The following CNTLN variants were observed in gnomAD, a reference collection of about 807,000 sequenced individuals.
CNTLN encodes centlein.
CNTLN carries 212 observed loss-of-function variants against 180.0 expected under a neutral mutation model. The observed-to-expected ratio is 1.18, with a 90% CI of 1.05 to 1.32. The LOEUF (loss-of-function observed/expected upper bound fraction) is 1.32, where lower values mean the gene tolerates loss of function less well. Ranked by LOEUF, CNTLN falls within the 40% of genes most tolerant of loss-of-function variation. The pLI is 0.00. For missense variants in CNTLN, 2,095 were observed against 1,610.9 expected (o/e 1.30, Z -5.14); for synonymous variants, 722 against 563.1 (o/e 1.28, Z -3.99).
intron 13 of CNTLN, among the ~76,000 whole-genome samples, chr9:17,383,892 C>A (rs1005197278): frequency 6.6e-6 from 1 of 152,070 alleles, no homozygotes; most frequent in Non-Finnish European, 1.5e-5. Flanking sequence ...CCTGTCTCGG[C>A]CTCCCAAAGT....
intron 3 of CNTLN, 98 bp from the exon 4 acceptor site, chr9:17,235,560 A>G (rs1292439231): frequency 1.3e-5 from 12 of 947,376 alleles, no homozygotes; most frequent in Non-Finnish European, 1.7e-5. Context: ...AAGCTATTTA[A>G]TCATCACATT....
intron 2 of CNTLN, among the ~76,000 whole-genome samples, chr9:17,219,136 A>C (rs1361052576): frequency 6.6e-6 from 1 of 152,276 alleles, no homozygotes; most frequent in Admixed American, 6.5e-5. Flanking sequence ...GAAGTCGGCA[A>C]ATATTCTTCG....
intron 21 of CNTLN, among the ~76,000 whole-genome samples, chr9:17,465,088 A>G (rs1344086190): frequency 6.7e-6 from 1 of 150,196 alleles, no homozygotes; most frequent in African/African-American, 2.4e-5. Context: ...TAAAGTAGTT[A>G]CGTAATATAT....
rs567748139 is a variant in CNTLN, at chr9:17,426,458, G to T, written c.3114+10269G>T. Among the ~76,000 whole-genome samples, 4 of 152,110 alleles carry T rather than the reference G, an allele frequency of 2.6e-5. No individual in the cohort carries two copies. In the East Asian group the frequency reaches 7.7e-4, roughly 29 times the overall value. ...ATTTACTGTTTGTCTTGTTTCGATA[G>T]TCTTCCTACATCTTACATATTGTTA... On this transcript the variant is annotated intron_variant, in intron 18 of 25. Transcript: ENST00000380647.
At chr9:17,211,885 C>T (rs145296862) in intron 2 of CNTLN, among the ~76,000 whole-genome samples, 8,357 of 151,982 alleles carry the variant, frequency 0.055, 593 homozygotes, top group East Asian at 0.4. Context: ...AGAATGCTTG[C>T]GATTTTTGCA....
intron 6 of CNTLN, among the ~76,000 whole-genome samples, chr9:17,288,467 A>G (rs1311559739): frequency 7.0e-6 from 1 of 142,726 alleles, no homozygotes. Flanking sequence ...TGTGGTGCTG[A>G]AAAAAATGTA....
chr9:17,176,778 A>T (rs1298151119), intron 2 of CNTLN, among the ~76,000 whole-genome samples: 5 of 152,278 alleles, frequency 3.3e-5, no homozygotes, highest in Non-Finnish European at 4.4e-5. Flanking sequence ...AGGATTGTTC[A>T]GTTATCTATT....
chr9:17,187,541 G>A lies in CNTLN; in HGVS notation c.450-38662G>A, dbSNP rs75546062. Among the ~76,000 whole-genome samples the A allele has an allele frequency of 2.3e-4, 35 of 152,016 alleles. 2 individuals carry two copies. The East Asian group carries it at 6.8e-3, about 29-fold the overall frequency. On this transcript the variant is annotated intron_variant, in intron 2 of 25. Transcript: ENST00000380647. ...CTAATAGTTCACATATATTCCCCTA[G>A]TATTTTTTCTGTGCAAATAAATTAT...
At chr9:17,309,373 G>A in intron 8 of CNTLN, 121 bp downstream of exon 8, 1 of 764,388 alleles carries the variant, frequency 1.3e-6, no homozygotes, top group Non-Finnish European at 2.0e-6. Context: ...GAAGTGTGCA[G>A]ATTGTTTTGC....
chr9:17,430,140 C>T (rs1198983237), intron 18 of CNTLN, among the ~76,000 whole-genome samples: 1 of 151,894 alleles, frequency 6.6e-6, no homozygotes, highest in Admixed American at 6.6e-5. Context: ...GATTCTATAA[C>T]TTTTAAATGT....
intron 15 of CNTLN, among the ~76,000 whole-genome samples, chr9:17,404,112 G>C (rs930586105): frequency 1.3e-5 from 2 of 151,726 alleles, no homozygotes; most frequent in Non-Finnish European, 2.9e-5. Flanking sequence ...ATATGACAAT[G>C]CTCTGTGTCT....
intron 6 of CNTLN, among the ~76,000 whole-genome samples, chr9:17,274,517 C>CTATG (rs1024941477): frequency 2.0e-5 from 3 of 150,150 alleles, no homozygotes; most frequent in African/African-American, 7.4e-5. Context: ...ATCTTTCTAT[C>CTATG]TATCCATCCA....
At chr9:17,409,560 G>C in intron 16 of CNTLN, 87 bp downstream of exon 16, 1 of 906,242 alleles carries the variant, frequency 1.1e-6, no homozygotes, top group Admixed American at 2.7e-5. Flanking sequence ...TGTTACTACT[G>C]ATTTAATTTG....
chr9:17,345,227 C>T (rs904515496), intron 12 of CNTLN, among the ~76,000 whole-genome samples: 1 of 152,132 alleles, frequency 6.6e-6, no homozygotes, highest in Non-Finnish European at 1.5e-5. Flanking sequence ...CCAGGAGTTG[C>T]ATTACATTCT....
intron 2 of CNTLN, among the ~76,000 whole-genome samples, chr9:17,194,223 T>C (rs1821977528): frequency 6.6e-6 from 1 of 152,230 alleles, no homozygotes; most frequent in Non-Finnish European, 1.5e-5. Context: ...CTACTAGTTA[T>C]TTTTGCAAAT....
chr9:17,144,952 C>G (rs937508219), intron 2 of CNTLN, among the ~76,000 whole-genome samples: 3 of 151,308 alleles, frequency 2.0e-5, no homozygotes, highest in African/African-American at 7.3e-5. Flanking sequence ...CGCCATTCTC[C>G]TGCCTCAGCC....
chr9:17,449,923 G>C (rs1255352387), intron 18 of CNTLN, among the ~76,000 whole-genome samples: 1 of 152,160 alleles, frequency 6.6e-6, no homozygotes, highest in Admixed American at 6.5e-5. Context: ...TTAGTAAACT[G>C]TTTTGAATAA....
downstream of CNTLN, among the ~76,000 whole-genome samples, chr9:17,507,792 A>G (rs1196457086): frequency 2.0e-5 from 3 of 152,176 alleles, no homozygotes; most frequent in East Asian, 5.8e-4. Flanking sequence ...GACACTACAA[A>G]CACTTCTGCG....
intron 25 of CNTLN, among the ~76,000 whole-genome samples, chr9:17,487,704 G>A (rs546868753): frequency 6.6e-5 from 10 of 152,232 alleles, no homozygotes; most frequent in South Asian, 6.2e-4. Context: ...AGGCCAAGAC[G>A]AGTTGAAATC....
Sources: gnomAD v4.1 joint callset for allele counts (sites outside exome capture counted in the v4.1 genomes callset) on GRCh38, gnomAD v4.1.1 for gene constraint, MANE v1.5 for transcripts, NCBI Gene and HGNC (gene_info 2026-07-23, HGNC 2026-07-21) for gene names.